The following APBA2 variants were observed in gnomAD, a reference collection of about 807,000 sequenced individuals.
APBA2 encodes amyloid beta precursor protein binding family A member 2, also known as amyloid-beta A4 precursor protein-binding family A member 2.
APBA2 carries 30 observed loss-of-function variants against 75.0 expected under a neutral mutation model. The observed-to-expected ratio is 0.40, with a 90% confidence interval of 0.30 to 0.54. The LOEUF (loss-of-function observed/expected upper bound fraction) is 0.54, where lower values mean the gene tolerates loss of function less well. Ranked by LOEUF, APBA2 falls within the 20% of genes least tolerant of loss-of-function variation. The pLI is 0.49. For missense variants in APBA2, 801 were observed against 1,016.1 expected (o/e 0.79, Z 2.88); for synonymous variants, 444 against 409.6 (o/e 1.08, Z -1.01).
intron 1 of APBA2, among the ~76,000 whole-genome samples, chr15:28,906,689 C>T (rs529879019): frequency 1.3e-5 from 2 of 152,294 alleles, no homozygotes; most frequent in Admixed American, 6.5e-5. Context: ...TGGTTTCATT[C>T]AGTCATGTGG....
intron 2 of APBA2, among the ~76,000 whole-genome samples, chr15:28,948,102 A>G (rs996130527): frequency 1.3e-5 from 2 of 152,044 alleles, no homozygotes; most frequent in Admixed American, 6.5e-5. Flanking sequence ...CCATGTATAG[A>G]GTCTACTGTT....
At chr15:29,011,711 G>T (rs2039411055) in intron 3 of APBA2, among the ~76,000 whole-genome samples, 1 of 152,224 alleles carries the variant, frequency 6.6e-6, no homozygotes, top group East Asian at 1.9e-4. Flanking sequence ...TGAAAGAAGT[G>T]TGTTAAATTA....
At chr15:28,952,752 T>C (rs2152725573) in intron 2 of APBA2, among the ~76,000 whole-genome samples, 1 of 152,366 alleles carries the variant, frequency 6.6e-6, no homozygotes, top group Non-Finnish European at 1.5e-5. Flanking sequence ...AATGATACCT[T>C]ACTGTGTTCC....
At chr15:28,981,109 C>G (rs1269967671) in intron 2 of APBA2, among the ~76,000 whole-genome samples, 1 of 152,146 alleles carries the variant, frequency 6.6e-6, no homozygotes, top group African/African-American at 2.4e-5. Context: ...GGATATTGGC[C>G]TTGGGAAAGA....
intron 14 of APBA2, among the ~76,000 whole-genome samples, chr15:29,116,440 C>A (rs112966230): frequency 0.037 from 5,663 of 152,080 alleles, 326 homozygotes; most frequent in African/African-American, 0.12. Flanking sequence ...TCCTGGCTAA[C>A]ACGGTGAAAC....
At chr15:28,987,755 C>CTTTT (rs1161611215) in intron 2 of APBA2, among the ~76,000 whole-genome samples, 7 of 92,886 alleles carry the variant, frequency 7.5e-5, no homozygotes, top group Non-Finnish European at 1.4e-4. Context: ...TATATATATT[C>CTTTT]TTTTTTTTTT....
In APBA2 at chr15:28,959,342, A is replaced by AC. The variant is rs750168077; in HGVS notation, c.-94-36406dup. ...TGAAAATTCATGTGTTGAAATCTTCACCCCCAGGACCTCAGAATGTGACTG... is the reference window on the plus strand; with the variant it reads ...TGAAAATTCATGTGTTGAAATCTTCACCCCCCAGGACCTCAGAATGTGACTG... On this transcript the variant is annotated intron_variant, in intron 2 of 14. Transcript: ENST00000683413. 3.3e-5 allele frequency among the ~76,000 whole-genome samples: 5 copies of AC among 152,280 alleles called. No individual in the cohort carries two copies. The South Asian group carries it at 1.0e-3, about 32-fold the overall frequency.
At chr15:28,986,627 T>G (rs958912307) in intron 2 of APBA2, among the ~76,000 whole-genome samples, 1 of 151,272 alleles carries the variant, frequency 6.6e-6, no homozygotes, top group South Asian at 2.1e-4. Flanking sequence ...CCACCACGCC[T>G]GGCTAATTTT....
At chr15:28,954,804 A>G (rs886080940) in intron 2 of APBA2, among the ~76,000 whole-genome samples, 1 of 152,202 alleles carries the variant, frequency 6.6e-6, no homozygotes, top group Non-Finnish European at 1.5e-5. Context: ...GAGGACAATC[A>G]GGGAATTTCT....
At chr15:28,894,798 G>A (rs2032362415) in intron 1 of APBA2, among the ~76,000 whole-genome samples, 1 of 151,886 alleles carries the variant, frequency 6.6e-6, no homozygotes, top group Non-Finnish European at 1.5e-5. Context: ...GGAGAAGGAC[G>A]CCGTTAGGGG....
intron 13 of APBA2, among the ~76,000 whole-genome samples, chr15:29,112,048 C>T (rs183098772): frequency 6.6e-6 from 1 of 152,186 alleles, no homozygotes; most frequent in African/African-American, 2.4e-5. Flanking sequence ...TGTCACCTCT[C>T]TGGGCACCCC....
chr15:29,021,976 CT>C (rs2039977799), intron 3 of APBA2, among the ~76,000 whole-genome samples: 1 of 152,192 alleles, frequency 6.6e-6, no homozygotes, highest in African/African-American at 2.4e-5. Context: ...GGATTTCCTT[CT>C]TTTTAAAAGC....
At position 28,991,271 on chromosome 15, in the gene APBA2, C is replaced by T. The variant is rs545682601; in HGVS notation, c.-94-4482C>T. On this transcript the variant is annotated intron_variant, in intron 2 of 14. Coordinates refer to ENST00000683413, the MANE Select transcript of APBA2 (RefSeq NM_001353788.2). This position sits in a 1 kb window ranked among gnomAD's most constrained non-coding sequence, Gnocchi z 4.7. ...AAAAACGTCTCTCCTGGTCTGGGGG[C>T]GCATCCATCCCCCATGTCCCCAGTC... 1.3e-5 allele frequency among the ~76,000 whole-genome samples: 2 copies of T among 152,322 alleles called. No individual in the cohort carries two copies. Among genetic ancestry groups the T allele is most frequent in the South Asian group, 4.1e-4 (2 of 4,830 alleles).
chr15:28,932,812 T>G (rs1045614020), intron 2 of APBA2, among the ~76,000 whole-genome samples: 6 of 152,148 alleles, frequency 3.9e-5, no homozygotes, highest in Admixed American at 3.9e-4. Context: ...GATGGGACCT[T>G]TGGGAGGGAG....
intron 3 of APBA2, among the ~76,000 whole-genome samples, chr15:29,017,791 A>G (rs890593786): frequency 6.6e-6 from 1 of 151,766 alleles, no homozygotes; most frequent in African/African-American, 2.4e-5. Context: ...TTCTTTCGTC[A>G]TTTCTTATTT....
At chr15:28,933,822 C>T (rs1479137575) in intron 2 of APBA2, among the ~76,000 whole-genome samples, 5 of 152,208 alleles carry the variant, frequency 3.3e-5, no homozygotes, top group Non-Finnish European at 7.3e-5. Context: ...GGCACAGCTC[C>T]TCCCCTCAAA....
chr15:29,025,852 G>A (rs560205405), intron 3 of APBA2, among the ~76,000 whole-genome samples: 3 of 152,042 alleles, frequency 2.0e-5, no homozygotes, highest in East Asian at 3.9e-4. Flanking sequence ...TCGGGAGGCT[G>A]AGGCAGGAGA....
At chr15:28,941,818 G>A (rs534268365) in intron 2 of APBA2, among the ~76,000 whole-genome samples, 21 of 152,328 alleles carry the variant, frequency 1.4e-4, no homozygotes, top group African/African-American at 3.4e-4. Flanking sequence ...GCGCAGTGGC[G>A]CGATCTCAGC....
intron 2 of APBA2, among the ~76,000 whole-genome samples, chr15:28,939,507 C>A (rs2035066796): frequency 6.6e-6 from 1 of 152,230 alleles, no homozygotes; most frequent in Admixed American, 6.5e-5. Context: ...TTCTCCACAT[C>A]CTCACCAGCA....
Sources: allele counts gnomAD v4.1 joint callset (sites outside exome capture counted in the v4.1 genomes callset), GRCh38; gene constraint gnomAD v4.1.1; non-coding constraint Gnocchi (gnomAD v3.1); transcripts MANE v1.5; gene names NCBI Gene and HGNC (gene_info 2026-07-23, HGNC 2026-07-21).